Variants in CREBBP observed in about 807,000 individuals in gnomAD.
The protein encoded by CREBBP is CREB binding lysine acetyltransferase, also known as CREB-binding protein.
Under a neutral mutation model 265.0 loss-of-function variants are expected in CREBBP, and 19 were observed. The ratio of observed to expected loss-of-function variants is 0.07; its 90% CI spans 0.05 to 0.11. The LOEUF (loss-of-function observed/expected upper bound fraction) is 0.11. Among genes scored for constraint, CREBBP ranks in the 10% least tolerant of loss-of-function variants. The pLI, the probability that CREBBP is intolerant of heterozygous loss-of-function variation, is 1.00. For missense variants in CREBBP, 2,525 were observed against 3,219.0 expected, an observed-to-expected ratio of 0.78 and a Z score of 5.22; for synonymous variants, 1,457 against 1,223.7, an observed-to-expected ratio of 1.19 and a Z score of -3.98.
chr16:3,779,146 G>A (rs1185703380), intron 8 of CREBBP, among the ~76,000 whole-genome samples: 4 of 149,918 alleles, frequency 2.7e-5, no homozygotes, highest in East Asian at 4.0e-4. Context: ...CAGCCTGGGC[G>A]ACAGAGTCAG....
At chr16:3,816,542 T>A (rs1200986532) in intron 2 of CREBBP, among the ~76,000 whole-genome samples, 1 of 152,082 alleles carries the variant, frequency 6.6e-6, no homozygotes, top group Non-Finnish European at 1.5e-5. Flanking sequence ...GCCTAGCCCA[T>A]CCATTAAATC....
At chr16:3,872,716 G>T (rs1428141860) in intron 1 of CREBBP, among the ~76,000 whole-genome samples, 1 of 152,220 alleles carries the variant, frequency 6.6e-6, no homozygotes, top group African/African-American at 2.4e-5. Flanking sequence ...ACCAGAAGAG[G>T]ACTCAGATGT....
At chr16:3,756,024 A>G (rs568501120) in intron 19 of CREBBP, among the ~76,000 whole-genome samples, 8 of 152,282 alleles carry the variant, frequency 5.3e-5, no homozygotes, top group African/African-American at 1.9e-4. Context: ...TTGAATATGG[A>G]TTTTTAAAAA....
At chr16:3,757,714 C>A in intron 18 of CREBBP, 95 bp downstream of exon 18, 1 of 1,537,668 alleles carries the variant, frequency 6.5e-7, no homozygotes, top group Non-Finnish European at 8.9e-7. Context: ...CACATATGCA[C>A]TCCCAGTATA....
At chr16:3,734,153 C>T (rs1422428854) in intron 28 of CREBBP, among the ~76,000 whole-genome samples, 1 of 152,136 alleles carries the variant, frequency 6.6e-6, no homozygotes, top group African/African-American at 2.4e-5. Flanking sequence ...GTTTCTCGCC[C>T]CACCTGACAC....
At chr16:3,778,938 G>T in intron 8 of CREBBP, 121 bp from the exon 9 acceptor site, 4 of 762,898 alleles carry the variant, frequency 5.2e-6, no homozygotes, top group South Asian at 4.1e-5. Context: ...AGGCTGAGGC[G>T]GGAGAATCAC....
intron 13 of CREBBP, chr16:3,773,526 C>A: frequency 1.8e-6 from 1 of 559,000 alleles, no homozygotes; most frequent in South Asian, 2.3e-5. Context: ...ATTCTAAATC[C>A]ATTCCCACTT....
intron 25 of CREBBP, 32 bp downstream of exon 25, chr16:3,739,546 A>C: frequency 1.9e-6 from 3 of 1,614,058 alleles, no homozygotes; most frequent in Non-Finnish European, 2.5e-6. Flanking sequence ...GGCTCACTGA[A>C]TGACACGCCC....
chr16:3,783,717 G>A (rs749342671), intron 5 of CREBBP, among the ~76,000 whole-genome samples: 12 of 152,208 alleles, frequency 7.9e-5, no homozygotes, highest in Non-Finnish European at 1.5e-4. Context: ...TCTGCCTCAC[G>A]TGGCCAAAGT....
At chr16:3,773,671 G>A (rs1410753641) in intron 13 of CREBBP, 80 bp downstream of exon 13, 3 of 1,443,672 alleles carry the variant, frequency 2.1e-6, no homozygotes, top group Non-Finnish European at 2.9e-6. Context: ...TTTCCACGAA[G>A]GAAGACAGAA....
At chr16:3,824,683 G>T (rs754168651) in intron 2 of CREBBP, among the ~76,000 whole-genome samples, 16 of 152,188 alleles carry the variant, frequency 1.1e-4, no homozygotes, top group Non-Finnish European at 2.1e-4. Context: ...CACACGCGGC[G>T]GCAGCAGCAC....
intron 16 of CREBBP, among the ~76,000 whole-genome samples, chr16:3,762,554 T>A (rs953201496): frequency 1.1e-4 from 17 of 151,850 alleles, no homozygotes; most frequent in African/African-American, 4.1e-4. Context: ...AGAAGTGAAG[T>A]CAGGAGTGTA....
intron 5 of CREBBP, among the ~76,000 whole-genome samples, chr16:3,786,860 G>A (rs903092704): frequency 3.3e-5 from 5 of 152,138 alleles, no homozygotes; most frequent in Non-Finnish European, 7.3e-5. Flanking sequence ...ATCACCTGAG[G>A]TCAGGAGTTC....
At chr16:3,829,763 C>T (rs1428879242) in intron 2 of CREBBP, among the ~76,000 whole-genome samples, 1 of 152,180 alleles carries the variant, frequency 6.6e-6, no homozygotes, top group African/African-American at 2.4e-5. Flanking sequence ...CCACCATTTC[C>T]ACTACACAGT....
In CREBBP at chr16:3,736,854, G is replaced by C. The variant is rs130012; in HGVS notation, c.4395-39C>G. On this transcript the variant is annotated intron_variant, in intron 26 of 30. Coordinates refer to ENST00000262367, the MANE Select transcript of CREBBP (RefSeq NM_004380.3). Reference sequence around the variant, plus strand: ...GCACACACGTCAGATGAACGTGCCAGTGAAATCGGCCCTGCCTTTAAGGAG... The same window carrying C: ...GCACACACGTCAGATGAACGTGCCACTGAAATCGGCCCTGCCTTTAAGGAG... 8,441 of 1,612,830 alleles carry C rather than the reference G, an allele frequency of 5.2e-3. 375 individuals are homozygous for C. In the African/African-American group the frequency reaches 0.1, roughly 19 times the overall value.
intron 3 of CREBBP, among the ~76,000 whole-genome samples, chr16:3,801,569 C>G (rs2053713025): frequency 2.6e-5 from 4 of 152,058 alleles, no homozygotes; most frequent in Admixed American, 2.6e-4. Context: ...ACTCGGGAGG[C>G]TGAGGCAAAA....
intron 2 of CREBBP, among the ~76,000 whole-genome samples, chr16:3,825,657 G>A (rs1312078890): frequency 1.3e-5 from 2 of 152,104 alleles, no homozygotes; most frequent in East Asian, 1.9e-4. Flanking sequence ...AATCAAAGAT[G>A]ATTAAAGATG....
In CREBBP at chr16:3,793,590, G is replaced by C; in HGVS notation, c.1012C>G (p.Gln338Glu). 6.2e-7 allele frequency: 1 copy of C among 1,613,652 alleles called. No homozygotes were observed. Among genetic ancestry groups the C allele is most frequent in the Admixed American group, 1.7e-5 (1 of 60,018 alleles). ...MQTSVGIVPT[Q>E]AIATGPTADP... Reference sequence around the variant, plus strand: ...GCAGTGGGGCCTGTTGCAATTGCTTGTGTGGGTACAATTCCCACTGATGTT... The same window carrying C: ...GCAGTGGGGCCTGTTGCAATTGCTTCTGTGGGTACAATTCCCACTGATGTT... The change falls in exon 4 of 31, where the codon CAA (glutamine) becomes GAA (glutamate). Residue 338 changes from glutamine (Q) to glutamate (E), a missense_variant. Gln to Glu is a conservative substitution (Grantham distance 29). Coordinates refer to ENST00000262367, the MANE Select transcript of CREBBP (RefSeq NM_004380.3).
At chr16:3,802,320 C>A (rs1356628210) in intron 3 of CREBBP, among the ~76,000 whole-genome samples, 1 of 151,388 alleles carries the variant, frequency 6.6e-6, no homozygotes, top group Admixed American at 6.6e-5. Flanking sequence ...TTAGTAGAGA[C>A]GGGGCTTTAC....
Sources: allele counts gnomAD v4.1 joint callset (sites outside exome capture counted in the v4.1 genomes callset), GRCh38; gene constraint gnomAD v4.1.1; transcripts MANE v1.5; gene names NCBI Gene and HGNC (gene_info 2026-07-23, HGNC 2026-07-21).